SH3BGRL2: variants seen among roughly 807,000 people sequenced by gnomAD.
SH3BGRL2 encodes SH3 domain-binding glutamic acid-rich-like protein 2.
A neutral mutation model predicts 14.8 loss-of-function variants in SH3BGRL2; 21 were observed. That is an observed-to-expected ratio of 1.42 (90% CI 1.01 to 2.05). The LOEUF is 2.05. Ranked by LOEUF, SH3BGRL2 falls within the 30% of genes most tolerant of loss-of-function variation. SH3BGRL2 has a pLI of 0.00. For missense variants in SH3BGRL2, 147 were observed against 130.8 expected, an observed-to-expected ratio of 1.12 and a Z score of -0.61; for synonymous variants, 50 against 47.8, an observed-to-expected ratio of 1.05 and a Z score of -0.19.
At chr6:79,634,989 C>G (rs1013327625) in intron 1 of SH3BGRL2, among the ~76,000 whole-genome samples, 4 of 152,036 alleles carry the variant, frequency 2.6e-5, no homozygotes, top group Non-Finnish European at 5.9e-5. Flanking sequence ...AGGGTAGACT[C>G]CTGAAAGAAG....
chr6:79,586,092 A>C, the SH3BGRL2 span, among the ~76,000 whole-genome samples: 1 of 151,534 alleles, frequency 6.6e-6, no homozygotes, highest in Admixed American at 6.6e-5. Context: ...GCTACTCGGG[A>C]GGCTGAGGCA....
chr6:79,665,952 A>T (rs559574753), intron 1 of SH3BGRL2, among the ~76,000 whole-genome samples: 34 of 152,292 alleles, frequency 2.2e-4, no homozygotes, highest in Admixed American at 1.0e-3. Flanking sequence ...ACTGTACTTT[A>T]TGTATAATCT....
chr6:79,615,789 T>A, the SH3BGRL2 span, among the ~76,000 whole-genome samples: 69,934 of 148,670 alleles, frequency 0.47, 16,984 homozygotes, highest in East Asian at 0.77. Flanking sequence ...TTGCTTTTTT[T>A]AAAAATCTGC....
At chr6:79,566,765 A>G in the SH3BGRL2 span, among the ~76,000 whole-genome samples, 1 of 151,972 alleles carries the variant, frequency 6.6e-6, no homozygotes, top group East Asian at 1.9e-4. Flanking sequence ...AAAATTTAAA[A>G]ACTAGCTGGG....
At chr6:79,677,486 G>T (rs1402360393) in intron 2 of SH3BGRL2, among the ~76,000 whole-genome samples, 1 of 152,132 alleles carries the variant, frequency 6.6e-6, no homozygotes, top group African/African-American at 2.4e-5. Context: ...AACATTGAGG[G>T]GATGATGTAG....
At chr6:79,581,935 A>G in the SH3BGRL2 span, among the ~76,000 whole-genome samples, 1 of 152,208 alleles carries the variant, frequency 6.6e-6, no homozygotes, top group Non-Finnish European at 1.5e-5. Context: ...ACTTCAGCAA[A>G]GTCTCAGGAT....
chr6:79,695,750 G>A (rs1359829420), intron 2 of SH3BGRL2, among the ~76,000 whole-genome samples: 1 of 152,152 alleles, frequency 6.6e-6, no homozygotes, highest in East Asian at 1.9e-4. Flanking sequence ...ATCATCATTT[G>A]CTTACATTAT....
intron 2 of SH3BGRL2, among the ~76,000 whole-genome samples, chr6:79,685,585 CT>C (rs1356473800): frequency 6.6e-6 from 1 of 151,978 alleles, no homozygotes; most frequent in African/African-American, 2.4e-5. Context: ...CATTTCTCCC[CT>C]ATTTTGATAT....
At chr6:79,624,982 G>A in the SH3BGRL2 span, among the ~76,000 whole-genome samples, 1 of 151,960 alleles carries the variant, frequency 6.6e-6, no homozygotes, top group South Asian at 2.1e-4. Flanking sequence ...ATGAGCCCAG[G>A]CAACATAGAC....
At chr6:79,623,153 A>G in the SH3BGRL2 span, among the ~76,000 whole-genome samples, 2 of 152,042 alleles carry the variant, frequency 1.3e-5, no homozygotes, top group Non-Finnish European at 1.5e-5. Context: ...TAAAAATATA[A>G]AAATTAGGCA....
the SH3BGRL2 span, among the ~76,000 whole-genome samples, chr6:79,606,637 C>T: frequency 6.6e-6 from 1 of 152,148 alleles, no homozygotes; most frequent in African/African-American, 2.4e-5. Context: ...AAATCAAAAA[C>T]CCACATTCCT....
At chr6:79,638,433 A>G (rs1768968089) in intron 1 of SH3BGRL2, among the ~76,000 whole-genome samples, 1 of 152,162 alleles carries the variant, frequency 6.6e-6, no homozygotes, top group African/African-American at 2.4e-5. Flanking sequence ...CCTTTTTAAT[A>G]CACTGATTTC....
chr6:79,599,703 G>C, the SH3BGRL2 span, among the ~76,000 whole-genome samples: 10 of 152,120 alleles, frequency 6.6e-5, no homozygotes, highest in African/African-American at 2.2e-4. Flanking sequence ...GGCTAGGACG[G>C]GGCAGACATC....
the SH3BGRL2 span, among the ~76,000 whole-genome samples, chr6:79,590,455 A>ATATATATATG: frequency 0.015 from 1,707 of 116,028 alleles, 106 homozygotes; most frequent in East Asian, 0.11. Context: ...ATATATATAT[A>ATATATATATG]TATATATATG....
intron 2 of SH3BGRL2, among the ~76,000 whole-genome samples, chr6:79,682,494 T>G (rs1770007193): frequency 6.6e-6 from 1 of 152,196 alleles, no homozygotes; most frequent in South Asian, 2.1e-4. Flanking sequence ...CACTTAATTG[T>G]GCTTGGGCTC....
At chr6:79,694,071 AAG>A (rs1467171752) in intron 2 of SH3BGRL2, among the ~76,000 whole-genome samples, 2 of 152,190 alleles carry the variant, frequency 1.3e-5, no homozygotes, top group African/African-American at 4.8e-5. Context: ...TGTTGTGTTT[AAG>A]AGTCTGTGAA....
the SH3BGRL2 span, among the ~76,000 whole-genome samples, chr6:79,583,967 ATT>A: frequency 6.6e-6 from 1 of 151,918 alleles, no homozygotes; most frequent in Non-Finnish European, 1.5e-5. Flanking sequence ...AATTGTCACT[ATT>A]TTCTCTTTAT....
the SH3BGRL2 span, among the ~76,000 whole-genome samples, chr6:79,571,148 G>A: frequency 6.6e-6 from 1 of 152,186 alleles, no homozygotes; most frequent in Non-Finnish European, 1.5e-5. Flanking sequence ...AAGAATGAAA[G>A]CGCATTAATG....
At chr6:79,564,188 GA>G in the SH3BGRL2 span, among the ~76,000 whole-genome samples, 33 of 144,376 alleles carry the variant, frequency 2.3e-4, no homozygotes, top group Admixed American at 4.2e-4. Flanking sequence ...TTGTGTATCT[GA>G]AAAAAAAAAA....
Sources: allele counts gnomAD v4.1 joint callset (sites outside exome capture counted in the v4.1 genomes callset), GRCh38; gene constraint gnomAD v4.1.1; transcripts MANE v1.5; gene names NCBI Gene and HGNC (gene_info 2026-07-23, HGNC 2026-07-21).